The following GATA3 variants were observed in gnomAD, a reference collection of about 807,000 sequenced individuals.
GATA3 encodes the protein GATA binding protein 3, also known as trans-acting T-cell-specific transcription factor GATA-3.
In GATA3, 6 loss-of-function variants were observed where a neutral mutation model predicts 36.0. That is an observed-to-expected ratio of 0.17 (90% CI 0.09 to 0.33). The LOEUF (loss-of-function observed/expected upper bound fraction) is 0.33. Among genes scored for constraint, GATA3 ranks in the 10% least tolerant of loss-of-function variants. GATA3 has a pLI of 1.00. For missense variants in GATA3, 514 were observed against 610.1 expected (o/e 0.84, Z 1.66); for synonymous variants, 326 against 273.0 (o/e 1.19, Z -1.92).
chr10:8,050,709 C>T, upstream of GATA3: 1 of 252,240 alleles, frequency 4.0e-6, no homozygotes, highest in Non-Finnish European at 8.0e-6. Context: ...GGCTCGGCTC[C>T]GCTTCTTTCT....
At chr10:8,058,279 C>G (rs934616405) in intron 2 of GATA3, 26 bp from the exon 3 acceptor site, 1 of 1,612,860 alleles carries the variant, frequency 6.2e-7, no homozygotes, top group Non-Finnish European at 8.5e-7. Flanking sequence ...CCTTCTCTCT[C>G]CTGCCCTTTC....
chr10:8,055,369 G>A lies in GATA3; in HGVS notation c.-287G>A, dbSNP rs886047298. The stretch of plus-strand genomic sequence containing the variant: ...TGGCTCGCAGAATTGCAGAGTCGTC[G>A]CCCCTTTTTACAACCTGGTCCCGTT... On this transcript the variant is annotated 5_prime_UTR_variant, in exon 2 of 6. Coordinates refer to ENST00000379328, the MANE Select transcript of GATA3 (RefSeq NM_001002295.2). The surrounding 1 kb of genome is among the most constrained non-coding windows in gnomAD (Gnocchi z 5.4). 3.8e-6 allele frequency: 2 copies of A among 519,920 alleles called. No homozygotes were observed. The highest frequency in any genetic ancestry group is 6.9e-6 in the Non-Finnish European group (2 of 289,852). 32.2% of individuals were successfully genotyped at this position (519,920 alleles called of 1,614,324 possible).
chr10:8,049,849 G>A (rs1832440748), upstream of GATA3, among the ~76,000 whole-genome samples: 1 of 152,196 alleles, frequency 6.6e-6, no homozygotes, highest in Admixed American at 6.5e-5. Flanking sequence ...CATGGTTCGG[G>A]TGACAGAAAT....
chr10:8,058,324 G>A lies in GATA3; in HGVS notation c.261G>A (p.Pro87=), dbSNP rs1158316348. 4.3e-6 allele frequency: 7 copies of A among 1,613,430 alleles called. No individual in the cohort carries two copies. The highest frequency in any genetic ancestry group is 5.9e-6 in the Non-Finnish European group (7 of 1,179,992). ...CCACAGGGAGCCAGGTGTGCCGCCC[G>A]CCTCTGCTTCATGGATCCCTACCCT... ...PTHHGSQVCR[P]PLLHGSLPWL... The change falls in exon 3 of 6, where the codon CCG becomes CCA. Residue 87 remains proline, a synonymous_variant. Transcript: ENST00000379328.
chr10:8,050,335 GC>G, upstream of GATA3: 1 of 152,432 alleles, frequency 6.6e-6, no homozygotes, highest in Non-Finnish European at 1.5e-5. Flanking sequence ...CAAAGCTCTG[GC>G]CCCCGGCCTG....
At chr10:8,059,221 C>T (rs539480883) in intron 3 of GATA3, among the ~76,000 whole-genome samples, 4 of 152,288 alleles carry the variant, frequency 2.6e-5, no homozygotes, top group South Asian at 2.1e-4. Context: ...CATGCTAAAA[C>T]GAAACCTCCT....
chr10:8,069,697 G>T, intron 5 of GATA3, 99 bp downstream of exon 5: 1 of 1,390,480 alleles, frequency 7.2e-7, no homozygotes, highest in East Asian at 2.4e-5. Context: ...CTCACCATGG[G>T]GGCAGATGAC....
At chr10:8,052,311 G>A (rs777692759), upstream of GATA3, 2 of 152,064 alleles carry the variant, frequency 1.3e-5, no homozygotes, top group African/African-American at 4.8e-5. Flanking sequence ...AGTCCGACTT[G>A]GTGCTCGCGA....
In GATA3 at chr10:8,055,387, G is replaced by C; in HGVS notation, c.-269G>C. The C allele has an allele frequency of 1.8e-6, 1 of 550,302 alleles. No homozygotes were observed. The highest frequency in any genetic ancestry group is 3.3e-6 in the Non-Finnish European group (1 of 307,602). 34.1% of individuals were successfully genotyped at this position (550,302 alleles called of 1,614,324 possible). A position where few individuals can be genotyped will look rare whatever the true frequency, so the allele number is the denominator to read the frequency against. On this transcript the variant is annotated 5_prime_UTR_variant, in exon 2 of 6. Coordinates refer to ENST00000379328, the MANE Select transcript of GATA3 (RefSeq NM_001002295.2). This position sits in a 1 kb window ranked among gnomAD's most constrained non-coding sequence, Gnocchi z 5.4. ...AGTCGTCGCCCCTTTTTACAACCTG[G>C]TCCCGTTTTATTCTGCCGTACCCAG...
Position 8,055,632 on chromosome 10 carries a change from G to C in GATA3, c.-24G>C, listed in dbSNP as rs1227242919. 2 of 1,546,598 alleles carry C rather than the reference G, an allele frequency of 1.3e-6. No individual in the cohort carries two copies. Among genetic ancestry groups the C allele is most frequent in the African/African-American group, 1.4e-5 (1 of 73,144 alleles). Reference sequence around the variant, plus strand: ...CGCGCGCGGGTTCCGGGCCCGGCGAGAGGGCGCGAGCACAGCCGAGGCCAT... The same window carrying C: ...CGCGCGCGGGTTCCGGGCCCGGCGACAGGGCGCGAGCACAGCCGAGGCCAT... On this transcript the variant is annotated 5_prime_UTR_variant, in exon 2 of 6. Coordinates refer to ENST00000379328, the MANE Select transcript of GATA3 (RefSeq NM_001002295.2). This position sits in a 1 kb window ranked among gnomAD's most constrained non-coding sequence, Gnocchi z 5.4.
At chr10:8,052,095 A>G (rs2131471755), upstream of GATA3, 1 of 152,270 alleles carries the variant, frequency 6.6e-6, no homozygotes, top group South Asian at 2.1e-4. Context: ...CCTCTCTCCC[A>G]ATTACCCACT....
At position 8,075,101 on chromosome 10, in the gene GATA3, C is replaced by T. The variant is rs911808590; in HGVS notation, c.*1078C>T. On this transcript the variant is annotated 3_prime_UTR_variant, in exon 6 of 6. Coordinates refer to ENST00000379328, the MANE Select transcript of GATA3 (RefSeq NM_001002295.2). ...CCTGCAATCGGCCCGGCTGCCTCTT[C>T]GCCCTGTCGTGTTCTGTGTTAGTGA... is the stretch of plus-strand genomic sequence containing the variant. The T allele has an allele frequency of 3.4e-5, 8 of 232,974 alleles. No homozygotes were observed. The highest frequency in any genetic ancestry group is 1.5e-4 in the African/African-American group (7 of 45,318). 14.4% of individuals were successfully genotyped at this position (232,974 alleles called of 1,614,324 possible). A position where few individuals can be genotyped will look rare whatever the true frequency, so the allele number is the denominator to read the frequency against.
At chr10:8,065,700 GT>G (rs748515966) in intron 4 of GATA3, among the ~76,000 whole-genome samples, 1,579 of 62,296 alleles carry the variant, frequency 0.025, 6 homozygotes, top group Admixed American at 0.06. Context: ...CAGCAGTTTG[GT>G]TTTTTTTTTT....
In GATA3 at chr10:8,055,782, C is replaced by T. The variant is rs745997183; in HGVS notation, c.127C>T (p.Leu43=). ...HSYMDAAQYP[L]PEEVDVLFNI... ...CTACATGGACGCGGCGCAGTACCCG[C>T]TGCCGGAGGAGGTGGATGTGCTTTT... Residue 43 remains leucine (L), a synonymous_variant, in exon 2 of 6, where the codon CTG becomes TTG. Coordinates refer to ENST00000379328, the MANE Select transcript of GATA3 (RefSeq NM_001002295.2). This position sits in a 1 kb window ranked among gnomAD's most constrained non-coding sequence, Gnocchi z 5.4. 4 of 1,592,562 alleles carry T rather than the reference C, an allele frequency of 2.5e-6. No homozygotes were observed. Among genetic ancestry groups the T allele is most frequent in the African/African-American group, 1.3e-5 (1 of 74,542 alleles).
upstream of GATA3, chr10:8,050,978 C>G (rs1217268344): frequency 1.0e-5 from 5 of 490,264 alleles, no homozygotes; most frequent in Non-Finnish European, 2.1e-5. Context: ...CTGGAAGCGC[C>G]GGTTGCCTGG....
rs1185236714 is a variant in GATA3, at chr10:8,055,077, T to C, written c.-370+186T>C. Among the ~76,000 whole-genome samples the C allele has an allele frequency of 6.6e-6, 1 of 151,896 alleles. No individual in the cohort carries two copies. Among genetic ancestry groups the C allele is most frequent in the Non-Finnish European group, 1.5e-5 (1 of 67,930 alleles). ...CCCTCCAAGTCGTAACAGTCAGCCC[T>C]GGGACTTGCCCTCCAAGTTGCTCAG... On this transcript the variant is annotated intron_variant, in intron 1 of 5. Transcript: ENST00000379328. This position sits in a 1 kb window ranked among gnomAD's most constrained non-coding sequence, Gnocchi z 5.4.
upstream of GATA3, chr10:8,050,899 T>G (rs1274995930): frequency 8.2e-6 from 4 of 486,528 alleles, no homozygotes; most frequent in African/African-American, 2.0e-5. Flanking sequence ...CTTTGCCTGT[T>G]ACCCAGGTCG....
upstream of GATA3, among the ~76,000 whole-genome samples, chr10:8,049,414 A>G (rs1244181): frequency 0.86 from 131,125 of 152,296 alleles, 56,672 homozygotes; most frequent in East Asian, 0.99. Flanking sequence ...CCACTGCCCG[A>G]CTGCCTTTTC....
Position 8,069,541 on chromosome 10 carries a change from G to A in GATA3, c.993G>A (p.Arg331=). ...CCACCACAACCACACTCTGGAGGAG[G>A]AATGCCAATGGGGACCCTGTCTGCA... ...CQTTTTTLWR[R]NANGDPVCNA... The change falls in exon 5 of 6, where the codon AGG becomes AGA. Residue 331 remains arginine, a synonymous_variant. Transcript: ENST00000379328. 2 of 1,614,100 alleles carry A rather than the reference G, an allele frequency of 1.2e-6. No individual in the cohort carries two copies. The highest frequency in any genetic ancestry group is 1.1e-5 in the South Asian group (1 of 91,070).
Sources: allele counts gnomAD v4.1 joint callset (sites outside exome capture counted in the v4.1 genomes callset), GRCh38; gene constraint gnomAD v4.1.1; non-coding constraint Gnocchi (gnomAD v3.1); transcripts MANE v1.5; gene names NCBI Gene and HGNC (gene_info 2026-07-23, HGNC 2026-07-21).